Variants in NCAM2 observed in about 807,000 individuals in gnomAD.
NCAM2 encodes N-CAM-2.
Under a neutral mutation model 98.1 loss-of-function variants are expected in NCAM2, and 30 were observed. That is an observed-to-expected ratio of 0.31 (90% CI 0.23 to 0.41). The LOEUF (loss-of-function observed/expected upper bound fraction) is 0.41, where lower values mean the gene tolerates loss of function less well. Ranked by LOEUF, NCAM2 falls within the 10% of genes least tolerant of loss-of-function variation. The probability of loss-of-function intolerance (pLI) is 1.00; values close to 1 mark genes in which losing one functional copy is unlikely to be tolerated. For missense variants in NCAM2, 867 were observed against 1,005.8 expected (o/e 0.86, Z 1.87); for synonymous variants, 368 against 342.4 (o/e 1.07, Z -0.83).
intron 8 of NCAM2, among the ~76,000 whole-genome samples, chr21:21,342,491 ACATCT>A (rs2075069145): frequency 1.3e-5 from 2 of 152,148 alleles, no homozygotes; most frequent in Non-Finnish European, 2.9e-5. Context: ...TGTTTTTGGA[ACATCT>A]ATATGAAGCC....
At chr21:21,531,967 T>C (rs947415741) in intron 16 of NCAM2, among the ~76,000 whole-genome samples, 4 of 150,618 alleles carry the variant, frequency 2.7e-5, no homozygotes, top group Admixed American at 6.7e-5. Flanking sequence ...CACACCAGCC[T>C]GGACGACAGA....
intron 1 of NCAM2, among the ~76,000 whole-genome samples, chr21:21,072,766 AAT>A (rs1194579332): frequency 6.6e-6 from 1 of 152,102 alleles, no homozygotes; most frequent in African/African-American, 2.4e-5. Context: ...AATTTTAATA[AAT>A]ATATATTTAC....
chr21:21,211,023 C>CACACACAG (rs1457220972), intron 1 of NCAM2, among the ~76,000 whole-genome samples: 2 of 133,878 alleles, frequency 1.5e-5, no homozygotes, highest in East Asian at 4.3e-4. Context: ...CACACACACA[C>CACACACAG]GGGTTAGTAT....
intron 15 of NCAM2, among the ~76,000 whole-genome samples, chr21:21,508,623 A>G (rs142777873): frequency 4.1e-4 from 63 of 152,070 alleles, no homozygotes; most frequent in African/African-American, 1.4e-3. Flanking sequence ...AGATAGTCAC[A>G]TAATTAACAA....
chr21:21,489,972 C>T (rs1347174438), intron 15 of NCAM2, among the ~76,000 whole-genome samples: 1 of 151,768 alleles, frequency 6.6e-6, no homozygotes, highest in Non-Finnish European at 1.5e-5. Context: ...CTAAGGAAAA[C>T]ATTCCCTCAG....
intron 1 of NCAM2, among the ~76,000 whole-genome samples, chr21:21,255,862 A>G (rs971606579): frequency 2.6e-5 from 4 of 152,166 alleles, no homozygotes; most frequent in Non-Finnish European, 4.4e-5. Flanking sequence ...CTTTCCTCAG[A>G]ATACAGCTTC....
At chr21:21,025,304 C>G (rs1277136598) in intron 1 of NCAM2, among the ~76,000 whole-genome samples, 1 of 152,132 alleles carries the variant, frequency 6.6e-6, no homozygotes, top group Non-Finnish European at 1.5e-5. Context: ...CCAGGATGGT[C>G]TCAATCTCCT....
At chr21:21,212,607 T>A (rs1445317961) in intron 1 of NCAM2, among the ~76,000 whole-genome samples, 2 of 152,288 alleles carry the variant, frequency 1.3e-5, no homozygotes, top group African/African-American at 4.8e-5. Context: ...GATAGGTGGG[T>A]CATATCATTG....
At position 21,376,725 on chromosome 21, in the gene NCAM2, G is replaced by A. The variant is rs115063626; in HGVS notation, c.1195+2712G>A. 5.7e-3 allele frequency among the ~76,000 whole-genome samples: 871 copies of A among 151,836 alleles called. 10 individuals carry two copies. The highest frequency in any genetic ancestry group is 0.02 in the African/African-American group (834 of 41,506). ...TTCTAACAAAGTACAAGTTGCTTTTGATCACATTGCATTCCTTCTTTATAA... is the reference window on the plus strand; with the variant it reads ...TTCTAACAAAGTACAAGTTGCTTTTAATCACATTGCATTCCTTCTTTATAA... On this transcript the variant is annotated intron_variant, in intron 9 of 17. Transcript: ENST00000400546.
chr21:21,311,714 G>A (rs765977018), intron 5 of NCAM2, among the ~76,000 whole-genome samples: 2 of 151,996 alleles, frequency 1.3e-5, no homozygotes, highest in Non-Finnish European at 2.9e-5. Flanking sequence ...TCAACATTCA[G>A]ATATCATACA....
chr21:21,353,603 A>G (rs898513096), intron 8 of NCAM2, among the ~76,000 whole-genome samples: 2 of 152,188 alleles, frequency 1.3e-5, no homozygotes, highest in Non-Finnish European at 2.9e-5. Flanking sequence ...GTCTCTACCT[A>G]TGAGGCACAA....
chr21:21,058,608 G>A (rs976126273), intron 1 of NCAM2, among the ~76,000 whole-genome samples: 10 of 150,498 alleles, frequency 6.6e-5, no homozygotes, highest in East Asian at 3.9e-4. Context: ...GAATGCTTTT[G>A]TTTTGTCAGC....
chr21:21,495,952 T>C (rs1987199316), intron 15 of NCAM2, among the ~76,000 whole-genome samples: 1 of 150,434 alleles, frequency 6.6e-6, no homozygotes. Flanking sequence ...AAATGATGTA[T>C]CTTACTCTTC....
chr21:21,426,292 T>G (rs78040917), intron 11 of NCAM2, among the ~76,000 whole-genome samples: 2,157 of 152,254 alleles, frequency 0.014, 35 homozygotes, highest in East Asian at 0.089. Context: ...AGAACCTATC[T>G]CAGCATAGAA....
At chr21:21,121,219 T>C (rs891399396) in intron 1 of NCAM2, among the ~76,000 whole-genome samples, 1 of 152,202 alleles carries the variant, frequency 6.6e-6, no homozygotes. Context: ...TTAATTTCAA[T>C]AGCTTCTTAT....
At chr21:21,338,986 T>C (rs2074953323) in intron 8 of NCAM2, among the ~76,000 whole-genome samples, 1 of 152,132 alleles carries the variant, frequency 6.6e-6, no homozygotes, top group African/African-American at 2.4e-5. Flanking sequence ...TTTCAGTTTC[T>C]TAAAGAAATG....
intron 1 of NCAM2, among the ~76,000 whole-genome samples, chr21:21,265,996 G>A (rs562558907): frequency 9.4e-4 from 143 of 152,182 alleles, no homozygotes; most frequent in Non-Finnish European, 1.8e-3. Flanking sequence ...TAATGAATAA[G>A]TGAGGGTGTT....
chr21:21,474,754 CA>C (rs986977042), intron 14 of NCAM2, among the ~76,000 whole-genome samples: 1 of 152,008 alleles, frequency 6.6e-6, no homozygotes, highest in Non-Finnish European at 1.5e-5. Flanking sequence ...GTGTCCTTGC[CA>C]TACACCCCTT....
In NCAM2 at chr21:21,174,284, A is replaced by G. The variant is rs1160322601; in HGVS notation, c.56-106294A>G. On this transcript the variant is annotated intron_variant, in intron 1 of 17. Coordinates refer to ENST00000400546, the MANE Select transcript of NCAM2 (RefSeq NM_004540.5). ...CTTTGCATGGATCATATTATGTGAT[A>G]GGAGTACTAGATTTAACAAATAAAA... 2.6e-5 allele frequency among the ~76,000 whole-genome samples: 4 copies of G among 152,304 alleles called. No individual in the cohort carries two copies. The East Asian group carries it at 7.7e-4, about 29-fold the overall frequency.
Sources: allele counts gnomAD v4.1 joint callset (sites outside exome capture counted in the v4.1 genomes callset), GRCh38; gene constraint gnomAD v4.1.1; transcripts MANE v1.5; gene names NCBI Gene and HGNC (gene_info 2026-07-23, HGNC 2026-07-21).